Variants in TENM3 observed in about 807,000 individuals in gnomAD.
TENM3 encodes the protein teneurin transmembrane protein 3.
In TENM3, 63 loss-of-function variants were observed where a neutral mutation model predicts 255.1. That is an observed-to-expected ratio of 0.25 (90% confidence interval 0.20 to 0.30). TENM3 has a LOEUF of 0.30. Among genes scored for constraint, TENM3 ranks in the 10% least tolerant of loss-of-function variants. The probability of loss-of-function intolerance (pLI) is 1.00; values close to 1 mark genes in which losing one functional copy is unlikely to be tolerated. For missense variants in TENM3, 2,929 were observed against 3,461.1 expected (o/e 0.85, Z 3.86); for synonymous variants, 1,306 against 1,322.3 (o/e 0.99, Z 0.27).
chr4:182,578,041 A>G (rs575159064), intron 3 of TENM3, among the ~76,000 whole-genome samples: 2 of 151,800 alleles, frequency 1.3e-5, no homozygotes, highest in East Asian at 1.9e-4. Flanking sequence ...CAATGGCGCA[A>G]TCTCCACTCA....
At chr4:181,671,303 A>C in the TENM3 span, among the ~76,000 whole-genome samples, 2 of 152,160 alleles carry the variant, frequency 1.3e-5, no homozygotes, top group Admixed American at 6.5e-5. Flanking sequence ...AAGTAATATG[A>C]GAACGCTGTT....
At position 182,488,943 on chromosome 4, in the gene TENM3, G is replaced by GA. The variant is rs201327762; in HGVS notation, c.512-111974dup. Among the ~76,000 whole-genome samples the GA allele has an allele frequency of 3.4e-3, 517 of 152,046 alleles. 1 individual carries two copies. Among genetic ancestry groups the GA allele is most frequent in the Middle Eastern group, 0.01 (3 of 294 alleles). On this transcript the variant is annotated intron_variant, in intron 3 of 27. Transcript: ENST00000511685. ...GGCCTAACAGTCATTTGCAGCTGCT[G>GA]AAAAAAATGATTCATTTTCACTCTT...
At chr4:182,773,357 C>T (rs565427765) in intron 22 of TENM3, 115 bp from the exon 23 acceptor site, 12 of 950,002 alleles carry the variant, frequency 1.3e-5, no homozygotes, top group East Asian at 7.6e-5. Flanking sequence ...CGCTCATCCA[C>T]GAAGACAAAT....
chr4:182,663,513 A>T (rs1437684152), intron 6 of TENM3, among the ~76,000 whole-genome samples: 1 of 152,218 alleles, frequency 6.6e-6, no homozygotes, highest in Non-Finnish European at 1.5e-5. Context: ...AAAAAGTGAA[A>T]ATGTATTGAA....
the TENM3 span, among the ~76,000 whole-genome samples, chr4:181,686,982 A>T: frequency 2.4e-4 from 36 of 152,286 alleles, no homozygotes; most frequent in African/African-American, 7.5e-4. Flanking sequence ...TGCTTTCTAT[A>T]AAAAAGTGAT....
At chr4:182,539,217 G>T (rs1740625614) in intron 3 of TENM3, among the ~76,000 whole-genome samples, 1 of 151,378 alleles carries the variant, frequency 6.6e-6, no homozygotes, top group African/African-American at 2.4e-5. Context: ...GATGAAGAGT[G>T]CAGAGTCCCT....
At chr4:182,362,520 C>A (rs889373628) in intron 3 of TENM3, among the ~76,000 whole-genome samples, 4 of 149,204 alleles carry the variant, frequency 2.7e-5, no homozygotes, top group African/African-American at 9.9e-5. Flanking sequence ...GTAGGACCCT[C>A]CGAGCCATGT....
chr4:182,662,369 A>G (rs1286397307), intron 6 of TENM3, among the ~76,000 whole-genome samples: 3 of 152,202 alleles, frequency 2.0e-5, no homozygotes, highest in Admixed American at 2.0e-4. Context: ...GTTGAAAAAA[A>G]CCTTCAAGAT....
At chr4:181,670,060 T>A in the TENM3 span, among the ~76,000 whole-genome samples, 1 of 152,210 alleles carries the variant, frequency 6.6e-6, no homozygotes, top group Non-Finnish European at 1.5e-5. Flanking sequence ...TCTCCAAAAG[T>A]ATATCTTAGC....
chr4:181,611,573 G>A, the TENM3 span, among the ~76,000 whole-genome samples: 8,888 of 151,902 alleles, frequency 0.059, 351 homozygotes, highest in East Asian at 0.14. Flanking sequence ...TACACGATAC[G>A]GAGTCTGTTT....
intron 3 of TENM3, among the ~76,000 whole-genome samples, chr4:182,458,665 A>AAACAAAT (rs1774061628): frequency 6.6e-6 from 1 of 152,250 alleles, no homozygotes; most frequent in Admixed American, 6.5e-5. Context: ...GTGAACAAAT[A>AAACAAAT]AAATAGATAC....
At chr4:181,480,596 A>G in the TENM3 span, among the ~76,000 whole-genome samples, 1 of 151,992 alleles carries the variant, frequency 6.6e-6, no homozygotes, top group African/African-American at 2.4e-5. Context: ...CAAAATTAAC[A>G]TATGCATGAA....
intron 3 of TENM3, among the ~76,000 whole-genome samples, chr4:182,409,675 T>G (rs1769837202): frequency 6.6e-6 from 1 of 152,216 alleles, no homozygotes; most frequent in South Asian, 2.1e-4. Context: ...CTTGTTAATT[T>G]TATGTATGTA....
At chr4:181,697,496 C>T in the TENM3 span, among the ~76,000 whole-genome samples, 17 of 152,246 alleles carry the variant, frequency 1.1e-4, no homozygotes, top group East Asian at 3.9e-4. Flanking sequence ...CAGGTTCAAG[C>T]GATTCTTCTG....
At chr4:182,763,628 A>ACTC (rs771373084) in intron 22 of TENM3, among the ~76,000 whole-genome samples, 1 of 152,158 alleles carries the variant, frequency 6.6e-6, no homozygotes, top group Admixed American at 6.5e-5. Context: ...AGAAGAAAGT[A>ACTC]CTCATTTATA....
the TENM3 span, among the ~76,000 whole-genome samples, chr4:182,060,597 C>G: frequency 2.0e-5 from 3 of 152,084 alleles, no homozygotes; most frequent in African/African-American, 7.2e-5. Flanking sequence ...AGTTCACAGC[C>G]CAGACATTGA....
chr4:181,491,571 GGTA>G, the TENM3 span, among the ~76,000 whole-genome samples: 1 of 151,954 alleles, frequency 6.6e-6, no homozygotes, highest in African/African-American at 2.4e-5. Flanking sequence ...GTAAGGAACA[GGTA>G]GTATTTCCCA....
intron 1 of TENM3, among the ~76,000 whole-genome samples, chr4:182,308,340 A>G (rs1250634306): frequency 6.6e-6 from 1 of 151,898 alleles, no homozygotes; most frequent in Non-Finnish European, 1.5e-5. Context: ...TTTATGAGAC[A>G]GGGTCTCACT....
At chr4:181,646,034 C>T in the TENM3 span, among the ~76,000 whole-genome samples, 254 of 152,316 alleles carry the variant, frequency 1.7e-3, no homozygotes, top group African/African-American at 5.9e-3. Flanking sequence ...TGCAGGCAAA[C>T]TATGGACACG....
Sources: gnomAD v4.1 joint callset for allele counts (sites outside exome capture counted in the v4.1 genomes callset) on GRCh38, gnomAD v4.1.1 for gene constraint, MANE v1.5 for transcripts, NCBI Gene and HGNC (gene_info 2026-07-23, HGNC 2026-07-21) for gene names.